ADRA1D: variants seen among roughly 807,000 people sequenced by gnomAD.
ADRA1D encodes the protein adrenoceptor alpha 1D.
Under a neutral mutation model 18.6 loss-of-function variants are expected in ADRA1D, and 22 were observed. That is an observed-to-expected ratio of 1.19 (90% CI 0.85 to 1.69). ADRA1D has a LOEUF of 1.69. ADRA1D is among the 40% of genes most tolerant of loss of function. ADRA1D has a pLI of 0.00. For synonymous variants in ADRA1D, 376 were observed against 388.2 expected, an observed-to-expected ratio of 0.97 and a Z score of 0.37; for missense variants, 840 against 840.7, an observed-to-expected ratio of 1.00 and a Z score of 0.01.
intron 1 of ADRA1D, among the ~76,000 whole-genome samples, chr20:4,237,728 G>C (rs1600850263): frequency 6.7e-6 from 1 of 149,408 alleles, no homozygotes; most frequent in Non-Finnish European, 1.5e-5. Flanking sequence ...GCTCCATCTC[G>C]GCTCACTGCA....
intron 1 of ADRA1D, among the ~76,000 whole-genome samples, chr20:4,245,455 G>A (rs1981313800): frequency 6.6e-6 from 1 of 152,306 alleles, no homozygotes; most frequent in East Asian, 1.9e-4. Flanking sequence ...AAAGAGGAAG[G>A]GACAGGAGGA....
intron 1 of ADRA1D, among the ~76,000 whole-genome samples, chr20:4,232,670 T>C (rs1980997566): frequency 6.6e-6 from 1 of 152,246 alleles, no homozygotes; most frequent in Non-Finnish European, 1.5e-5. Flanking sequence ...TCAGATGATG[T>C]TGGTGCCCTG....
intron 1 of ADRA1D, among the ~76,000 whole-genome samples, chr20:4,241,571 T>C (rs1600851520): frequency 6.6e-6 from 1 of 152,268 alleles, no homozygotes; most frequent in East Asian, 1.9e-4. Flanking sequence ...ACTGAGCACC[T>C]ATTATGTTCC....
intron 1 of ADRA1D, among the ~76,000 whole-genome samples, chr20:4,224,939 C>T (rs1324970161): frequency 6.6e-6 from 1 of 151,130 alleles, no homozygotes; most frequent in East Asian, 1.9e-4. Context: ...TCATATGGCA[C>T]AGGCTTCTCA....
Position 4,249,098 on chromosome 20 carries a change from G to T in ADRA1D, c.-141C>A. On this transcript the variant is annotated 5_prime_UTR_variant, in exon 1 of 2. Coordinates refer to ENST00000379453, the MANE Select transcript of ADRA1D (RefSeq NM_000678.4). Reference sequence around the variant, plus strand: ...GGGGTCCTGCCCAAGTTCCTGTGACGCGGAGCGCGGCTGTCCGAGAGCGGA... The same window carrying T: ...GGGGTCCTGCCCAAGTTCCTGTGACTCGGAGCGCGGCTGTCCGAGAGCGGA... 1.5e-6 allele frequency: 1 copy of T among 661,440 alleles called. No individual in the cohort carries two copies. The highest frequency in any genetic ancestry group is 1.9e-6 in the Non-Finnish European group (1 of 516,096). 41.0% of individuals were successfully genotyped at this position (661,440 alleles called of 1,614,324 possible).
chr20:4,223,632 A>G (rs1161375379), intron 1 of ADRA1D, among the ~76,000 whole-genome samples: 2 of 152,220 alleles, frequency 1.3e-5, no homozygotes, highest in Non-Finnish European at 2.9e-5. Context: ...TGACTTTACA[A>G]TGGTGCAAAA....
intron 1 of ADRA1D, among the ~76,000 whole-genome samples, chr20:4,227,692 C>T (rs1300341733): frequency 9.5e-5 from 3 of 31,434 alleles, no homozygotes; most frequent in East Asian, 1.4e-3. Flanking sequence ...CCCTCTCTCC[C>T]TCCCTCCCTC....
rs1325977882 is a variant in ADRA1D, at chr20:4,222,009, G to T, written c.1233C>A (p.Arg411=). The T allele has an allele frequency of 1.3e-6, 2 of 1,597,448 alleles. No individual in the cohort carries two copies. Among genetic ancestry groups the T allele is most frequent in the Non-Finnish European group, 8.5e-7 (1 of 1,171,938 alleles). ...GGCAGCGCAGGAGACGGAGGAAGGC[G>T]CGCTTGAACTCGCGGCTGGAACAGG... is the stretch of plus-strand genomic sequence containing the variant. The part of the protein sequence containing the change: ...IYPCSSREFK[R]AFLRLLRCQC... The change falls in exon 2 of 2, where the codon CGC becomes CGA. Residue 411 remains arginine, a synonymous_variant. Coordinates refer to ENST00000379453, the MANE Select transcript of ADRA1D (RefSeq NM_000678.4). The surrounding 1 kb of genome is among the most constrained non-coding windows in gnomAD (Gnocchi z 4.3).
intron 1 of ADRA1D, among the ~76,000 whole-genome samples, chr20:4,233,328 G>A (rs1020437265): frequency 7.2e-5 from 11 of 151,730 alleles, no homozygotes; most frequent in African/African-American, 1.5e-4. Flanking sequence ...AGGTGTGGTG[G>A]TGCACACCTG....
chr20:4,237,518 G>A (rs33947138), intron 1 of ADRA1D, among the ~76,000 whole-genome samples: 3 of 151,578 alleles, frequency 2.0e-5, no homozygotes, highest in Admixed American at 6.6e-5. Flanking sequence ...GGCAGCCTCC[G>A]GTGACAGTGC....
intron 1 of ADRA1D, among the ~76,000 whole-genome samples, chr20:4,240,870 T>C (rs1981195738): frequency 6.6e-6 from 1 of 152,078 alleles, no homozygotes; most frequent in African/African-American, 2.4e-5. Flanking sequence ...CTAGGTTAGC[T>C]TTGGGGTGAA....
At chr20:4,227,750 C>CCTTCCTTCCTTCCTTCCTTCCTTCCTT (rs1980851350) in intron 1 of ADRA1D, among the ~76,000 whole-genome samples, 1 of 118,480 alleles carries the variant, frequency 8.4e-6, no homozygotes, top group African/African-American at 3.3e-5. Context: ...TTCCTTCCTT[C>CCTTCCTTCCTTCCTTCCTTCCTTCCTT]TTCTCTCTCT....
At chr20:4,225,385 G>A (rs1244179300) in intron 1 of ADRA1D, among the ~76,000 whole-genome samples, 1 of 150,216 alleles carries the variant, frequency 6.7e-6, no homozygotes, top group Non-Finnish European at 1.5e-5. Context: ...GCACTTAGCA[G>A]GCTCTTAAAA....
chr20:4,233,334 A>G (rs1165462066), intron 1 of ADRA1D, among the ~76,000 whole-genome samples: 1 of 151,410 alleles, frequency 6.6e-6, no homozygotes, highest in East Asian at 2.0e-4. Flanking sequence ...GGTGGTGCAC[A>G]CCTGTAGCCC....
At chr20:4,227,705 T>TCCCTCCCTCCTTCCTTC (rs745707360) in intron 1 of ADRA1D, among the ~76,000 whole-genome samples, 1 of 24,460 alleles carries the variant, frequency 4.1e-5, no homozygotes, top group African/African-American at 1.2e-4. Flanking sequence ...CCTCCCTCCC[T>TCCCTCCCTCCTTCCTTC]CCTTCCTTCC....
At chr20:4,224,340 T>A (rs1313371046) in intron 1 of ADRA1D, among the ~76,000 whole-genome samples, 1 of 151,998 alleles carries the variant, frequency 6.6e-6, no homozygotes, top group Non-Finnish European at 1.5e-5. Flanking sequence ...CCAGGGAGGA[T>A]GGGGCAGGGG....
rs1004126076 is a variant in ADRA1D at position 4,245,988 on chromosome 20, G to A, written c.1111+1859C>T. Among the ~76,000 whole-genome samples the A allele has an allele frequency of 3.3e-5, 5 of 152,134 alleles. No homozygotes were observed. The East Asian group carries it at 7.7e-4, about 23-fold the overall frequency. On this transcript the variant is annotated intron_variant, in intron 1 of 1. Coordinates refer to ENST00000379453, the MANE Select transcript of ADRA1D (RefSeq NM_000678.4). Reference sequence around the variant, plus strand: ...TCCACTACAAAAGCTACAGTTCCACGATGGCCCTATAGATAGGCATGATTA... The same window carrying A: ...TCCACTACAAAAGCTACAGTTCCACAATGGCCCTATAGATAGGCATGATTA...
intron 1 of ADRA1D, among the ~76,000 whole-genome samples, chr20:4,228,350 A>G (rs1204834047): frequency 6.6e-6 from 1 of 151,902 alleles, no homozygotes; most frequent in East Asian, 1.9e-4. Context: ...CTTTTCCTTT[A>G]CCGGCTCTTT....
At chr20:4,223,134 GAT>G (rs2122654016) in intron 1 of ADRA1D, among the ~76,000 whole-genome samples, 1 of 149,496 alleles carries the variant, frequency 6.7e-6, no homozygotes, top group Non-Finnish European at 1.5e-5. Flanking sequence ...ATTTATTTTT[GAT>G]AAAGGTACAA....
Sources: gnomAD v4.1 joint callset for allele counts (sites outside exome capture counted in the v4.1 genomes callset) on GRCh38, gnomAD v4.1.1 for gene constraint, Gnocchi (gnomAD v3.1) non-coding constraint, MANE v1.5 for transcripts, NCBI Gene and HGNC (gene_info 2026-07-23, HGNC 2026-07-21) for gene names.